GRM7: variants seen among roughly 807,000 people sequenced by gnomAD.
GRM7 encodes the protein glutamate metabotropic receptor 7, also known as metabotropic glutamate receptor 7.
A neutral mutation model predicts 84.5 loss-of-function variants in GRM7; 35 were observed. The observed-to-expected ratio is 0.41, with a 90% confidence interval of 0.32 to 0.55. The LOEUF is 0.55. Among genes scored for constraint, GRM7 ranks in the 20% least tolerant of loss-of-function variants. The pLI is 0.19. For synonymous variants in GRM7, 487 were observed against 455.1 expected (o/e 1.07, Z -0.89); for missense variants, 1,003 against 1,194.6 (o/e 0.84, Z 2.36).
intron 1 of GRM7, among the ~76,000 whole-genome samples, chr3:7,063,033 A>G (rs1237489794): frequency 6.6e-6 from 1 of 151,698 alleles, no homozygotes; most frequent in African/African-American, 2.4e-5. Flanking sequence ...TAAGAAAACC[A>G]CTGAGCAGCA....
intron 3 of GRM7, among the ~76,000 whole-genome samples, chr3:7,299,970 TAAC>T (rs1699941266): frequency 6.6e-6 from 1 of 151,494 alleles, no homozygotes; most frequent in Non-Finnish European, 1.5e-5. Flanking sequence ...GATAAAAACA[TAAC>T]ATGCAAATAT....
chr3:6,970,362 TG>T (rs1693701193), intron 1 of GRM7, among the ~76,000 whole-genome samples: 1 of 152,252 alleles, frequency 6.6e-6, no homozygotes. Flanking sequence ...AGCTAATTGA[TG>T]TGTTTAAATG....
intron 8 of GRM7, among the ~76,000 whole-genome samples, chr3:7,617,877 T>C (rs1697175528): frequency 6.6e-6 from 1 of 152,106 alleles, no homozygotes; most frequent in Non-Finnish European, 1.5e-5. Flanking sequence ...CATCAATCAA[T>C]AAATAGCTCA....
intron 7 of GRM7, among the ~76,000 whole-genome samples, chr3:7,542,235 C>A (rs541843826): frequency 1.1e-4 from 17 of 152,308 alleles, no homozygotes; most frequent in Non-Finnish European, 2.1e-4. Flanking sequence ...CAACCCATAA[C>A]AAATACCTCT....
chr3:7,316,267 C>T (rs918949190), intron 4 of GRM7, among the ~76,000 whole-genome samples: 5 of 152,054 alleles, frequency 3.3e-5, no homozygotes, highest in East Asian at 1.9e-4. Flanking sequence ...CTATTGATTA[C>T]GAGTAAAGTA....
At chr3:7,470,836 G>A (rs919435247) in intron 7 of GRM7, among the ~76,000 whole-genome samples, 3 of 152,020 alleles carry the variant, frequency 2.0e-5, no homozygotes, top group African/African-American at 7.2e-5. Flanking sequence ...ACTAATGTAC[G>A]ATCTGCCTAA....
chr3:7,251,315 G>C (rs948961504), intron 2 of GRM7, among the ~76,000 whole-genome samples: 2 of 151,360 alleles, frequency 1.3e-5, no homozygotes, highest in African/African-American at 4.9e-5. Context: ...AAAAAAAAAT[G>C]TACTAGGCTA....
intron 7 of GRM7, among the ~76,000 whole-genome samples, chr3:7,568,323 AAG>A (rs1307328967): frequency 6.6e-6 from 1 of 152,256 alleles, no homozygotes; most frequent in Non-Finnish European, 1.5e-5. Context: ...TTACAGAAGA[AAG>A]AGCTTTATTG....
intron 4 of GRM7, among the ~76,000 whole-genome samples, chr3:7,323,779 CAAT>C (rs1431269304): frequency 3.3e-5 from 5 of 152,110 alleles, no homozygotes; most frequent in African/African-American, 4.8e-5. Context: ...ATGATTACAA[CAAT>C]GACAGTAGTG....
chr3:7,303,781 A>T (rs2125029478), intron 3 of GRM7, among the ~76,000 whole-genome samples: 1 of 152,018 alleles, frequency 6.6e-6, no homozygotes, highest in African/African-American at 2.4e-5. Context: ...TGAAATTTCC[A>T]TTATTCTGTT....
intron 7 of GRM7, among the ~76,000 whole-genome samples, chr3:7,522,019 C>T (rs1700615452): frequency 6.6e-6 from 1 of 152,102 alleles, no homozygotes; most frequent in South Asian, 2.1e-4. Flanking sequence ...TTGGGCTTTA[C>T]CCTGGAAAGT....
chr3:7,718,743 A>C (rs1367134258), intron 9 of GRM7, among the ~76,000 whole-genome samples: 1 of 152,194 alleles, frequency 6.6e-6, no homozygotes, highest in Non-Finnish European at 1.5e-5. Flanking sequence ...GGTGGTTGAC[A>C]TATTGGCCTC....
At chr3:6,877,948 A>C (rs1574958713) in intron 1 of GRM7, among the ~76,000 whole-genome samples, 1 of 109,472 alleles carries the variant, frequency 9.1e-6, no homozygotes, top group East Asian at 2.0e-4. Flanking sequence ...TCAATAACTT[A>C]CTTTTTTTTT....
intron 1 of GRM7, among the ~76,000 whole-genome samples, chr3:7,102,056 T>G (rs2125022917): frequency 6.6e-6 from 1 of 151,664 alleles, no homozygotes; most frequent in East Asian, 1.9e-4. Flanking sequence ...AATGTAAAAT[T>G]TTTTTCTTTC....
intron 1 of GRM7, among the ~76,000 whole-genome samples, chr3:6,965,418 A>G (rs954387693): frequency 6.6e-6 from 1 of 152,030 alleles, no homozygotes; most frequent in Non-Finnish European, 1.5e-5. Flanking sequence ...CCCAGGCTCA[A>G]GCAATCCTCC....
chr3:7,589,445 T>A (rs1695677745), intron 8 of GRM7, among the ~76,000 whole-genome samples: 1 of 152,204 alleles, frequency 6.6e-6, no homozygotes, highest in Non-Finnish European at 1.5e-5. Flanking sequence ...ATTTGGACAT[T>A]ACCCAGTTAC....
At chr3:6,917,009 G>A (rs1297828309) in intron 1 of GRM7, among the ~76,000 whole-genome samples, 1 of 152,096 alleles carries the variant, frequency 6.6e-6, no homozygotes, top group Non-Finnish European at 1.5e-5. Context: ...ATTGGGAGGA[G>A]GAGGTGCAGA....
chr3:7,490,001 A>G (rs1041577724), intron 7 of GRM7, among the ~76,000 whole-genome samples: 1 of 151,948 alleles, frequency 6.6e-6, no homozygotes, highest in East Asian at 1.9e-4. Context: ...ACCCTATAAA[A>G]TTAACAGGTG....
chr3:7,570,458 T>A (rs73019835), intron 7 of GRM7, among the ~76,000 whole-genome samples: 23,729 of 152,170 alleles, frequency 0.16, 2,199 homozygotes, highest in Middle Eastern at 0.29. Flanking sequence ...GAGGGCCTCA[T>A]GCAAGTCCAA....
Sources: gnomAD v4.1 joint callset for allele counts (sites outside exome capture counted in the v4.1 genomes callset) on GRCh38, gnomAD v4.1.1 for gene constraint, MANE v1.5 for transcripts, NCBI Gene and HGNC (gene_info 2026-07-23, HGNC 2026-07-21) for gene names.